KIF2A: variants seen among roughly 807,000 people sequenced by gnomAD.
KIF2A encodes kinesin-like protein KIF2A.
A neutral mutation model predicts 100.2 loss-of-function variants in KIF2A; 22 were observed. The ratio of observed to expected loss-of-function variants is 0.22; its 90% CI spans 0.16 to 0.31. The LOEUF is 0.31. Ranked by LOEUF, KIF2A falls within the 10% of genes least tolerant of loss-of-function variation. KIF2A has a pLI of 1.00. For synonymous variants in KIF2A, 268 were observed against 285.9 expected (o/e 0.94, Z 0.63); for missense variants, 495 against 898.7 (o/e 0.55, Z 5.74).
chr5:62,315,682 C>A (rs1033784973), intron 1 of KIF2A, among the ~76,000 whole-genome samples: 2 of 152,098 alleles, frequency 1.3e-5, no homozygotes, highest in Non-Finnish European at 2.9e-5. Context: ...TATTAAAGAC[C>A]TGGAAACAGA....
chr5:62,358,169 A>G lies in KIF2A; in HGVS notation c.742A>G (p.Ile248Val). ...TQMKDLDVIT[I>V]PSKDVVMVHE... is the part of the protein sequence containing the mutation. ...AATGAAAGATCTTGATGTAATCACA[A>G]TTCCTAGTAAAGATGTTGTGATGGT... is the stretch of plus-strand genomic sequence containing the variant. Residue 248 changes from isoleucine to valine, a missense_variant, in exon 9 of 21, where the codon ATT becomes GTT. This residue lies in a region of KIF2A where 109 missense variants were observed against 244.2 expected (regional missense o/e 0.45). Coordinates refer to ENST00000407818, the MANE Select transcript of KIF2A (RefSeq NM_001098511.3). 6.3e-7 allele frequency: 1 copy of G among 1,586,656 alleles called. No homozygotes were observed. The highest frequency in any genetic ancestry group is 2.3e-5 in the East Asian group (1 of 44,186).
intron 18 of KIF2A, 22 bp from the exon 19 acceptor site, chr5:62,377,639 T>C: frequency 7.5e-7 from 1 of 1,334,220 alleles, no homozygotes; most frequent in Non-Finnish European, 1.0e-6. Flanking sequence ...TATCATAATT[T>C]CTTAACTATT....
chr5:62,326,994 C>G (rs554191630), intron 1 of KIF2A, among the ~76,000 whole-genome samples: 1 of 152,330 alleles, frequency 6.6e-6, no homozygotes, highest in South Asian at 2.1e-4. Context: ...CTTGACTACT[C>G]TCTTTGAGGC....
rs1746535615 is a variant in KIF2A, at chr5:62,329,516, A to G, written c.65-17614A>G. 2.0e-5 allele frequency among the ~76,000 whole-genome samples: 3 copies of G among 152,202 alleles called. No individual in the cohort carries two copies. In the South Asian group the frequency reaches 6.2e-4, roughly 32 times the overall value. On this transcript the variant is annotated intron_variant, in intron 1 of 20. Coordinates refer to ENST00000407818, the MANE Select transcript of KIF2A (RefSeq NM_001098511.3). ...ACAAATCAAATTGCTTTCTGTCCTC[A>G]GTTACTGGTCAGTGGCACCTAGGAA...
At chr5:62,384,427 T>C (rs1741923887) in intron 20 of KIF2A, among the ~76,000 whole-genome samples, 3 of 152,330 alleles carry the variant, frequency 2.0e-5, no homozygotes, top group East Asian at 1.9e-4. Context: ...CTTGACACTG[T>C]TAACATTTGG....
At chr5:62,339,544 T>TTTTTTTTGAGACGGG (rs1554040422) in intron 1 of KIF2A, among the ~76,000 whole-genome samples, 1 of 147,698 alleles carries the variant, frequency 6.8e-6, no homozygotes, top group Non-Finnish European at 1.5e-5. Flanking sequence ...TCTCTTATTA[T>TTTTTTTTGAGACGGG]GTATCTTAGA....
At chr5:62,328,316 T>C (rs1746476006) in intron 1 of KIF2A, among the ~76,000 whole-genome samples, 2 of 66,076 alleles carry the variant, frequency 3.0e-5, no homozygotes, top group Non-Finnish European at 6.9e-5. Flanking sequence ...TCTAGTACTG[T>C]GTGGTTTTTT....
At chr5:62,341,454 C>T (rs1038137972) in intron 1 of KIF2A, among the ~76,000 whole-genome samples, 30 of 150,888 alleles carry the variant, frequency 2.0e-4, no homozygotes, top group African/African-American at 6.8e-4. Context: ...GTGGACACCA[C>T]CATGCCCTGT....
chr5:62,371,245 C>A (rs907361135), intron 16 of KIF2A, among the ~76,000 whole-genome samples: 2 of 151,942 alleles, frequency 1.3e-5, no homozygotes, highest in Admixed American at 6.6e-5. Context: ...TATGGTGAGA[C>A]CTTATCTCAA....
intron 1 of KIF2A, among the ~76,000 whole-genome samples, chr5:62,343,879 A>G (rs993707553): frequency 6.6e-6 from 1 of 152,208 alleles, no homozygotes; most frequent in Non-Finnish European, 1.5e-5. Flanking sequence ...GTTACCGTTT[A>G]TACATTTTTA....
chr5:62,334,257 T>C (rs946183008), intron 1 of KIF2A, among the ~76,000 whole-genome samples: 1 of 151,942 alleles, frequency 6.6e-6, no homozygotes, highest in Non-Finnish European at 1.5e-5. Flanking sequence ...ACCTGGGCAT[T>C]AGTGAGGGCC....
intron 19 of KIF2A, among the ~76,000 whole-genome samples, chr5:62,380,443 T>A (rs1741725214): frequency 6.6e-6 from 1 of 152,182 alleles, no homozygotes; most frequent in African/African-American, 2.4e-5. Flanking sequence ...GAAATGATGT[T>A]GCTCAGCCCA....
chr5:62,331,113 ATTT>A (rs1746616725), intron 1 of KIF2A, among the ~76,000 whole-genome samples: 1 of 152,152 alleles, frequency 6.6e-6, no homozygotes, highest in African/African-American at 2.4e-5. Context: ...AGGTTTTGAA[ATTT>A]TTATAAAGGT....
chr5:62,337,452 A>G (rs1396884691), intron 1 of KIF2A, among the ~76,000 whole-genome samples: 4 of 152,032 alleles, frequency 2.6e-5, no homozygotes, highest in Non-Finnish European at 5.9e-5. Flanking sequence ...AGATCACACC[A>G]TCGCACTCCA....
Position 62,388,001 on chromosome 5 carries a change from A to G in KIF2A, c.*2432A>G, listed in dbSNP as rs974804523. ...TTTTTATAGAAACAAAATAGCTACTATAACTCTATTATAGTATATTAACAG... is the reference window on the plus strand; with the variant it reads ...TTTTTATAGAAACAAAATAGCTACTGTAACTCTATTATAGTATATTAACAG... On this transcript the variant is annotated 3_prime_UTR_variant, in exon 21 of 21. Coordinates refer to ENST00000407818, the MANE Select transcript of KIF2A (RefSeq NM_001098511.3). 1 of 152,170 alleles carries G rather than the reference A, an allele frequency of 6.6e-6. No homozygotes were observed. Among genetic ancestry groups the G allele is most frequent in the Admixed American group, 6.5e-5 (1 of 15,282 alleles). The allele number at this position is 152,170 out of a possible 1,614,324, so 9.4% of individuals were successfully genotyped here.
chr5:62,342,978 C>G (rs879917203), intron 1 of KIF2A, among the ~76,000 whole-genome samples: 29 of 152,138 alleles, frequency 1.9e-4, no homozygotes, highest in Admixed American at 1.4e-3. Flanking sequence ...TCTTGAACCC[C>G]TGACCTCAAG....
intron 1 of KIF2A, among the ~76,000 whole-genome samples, chr5:62,344,235 T>G (rs887729359): frequency 6.6e-6 from 1 of 151,716 alleles, no homozygotes; most frequent in Non-Finnish European, 1.5e-5. Flanking sequence ...GTCTAGCTAC[T>G]CAGGAGGCTG....
rs775533413 is a variant in KIF2A at position 62,389,485 on chromosome 5, CAAAA to C, written c.*3929_*3932del. Among the ~76,000 whole-genome samples, 4 of 75,906 alleles carry C rather than the reference CAAAA, an allele frequency of 5.3e-5. No homozygotes were observed. Among genetic ancestry groups the C allele is most frequent in the Admixed American group, 3.1e-4 (2 of 6,476 alleles). The allele number at this position is 75,906 out of a possible 152,430, so 49.8% of individuals were successfully genotyped here. A position where few individuals can be genotyped will look rare whatever the true frequency, so the allele number is the denominator to read the frequency against. On this transcript the variant is annotated 3_prime_UTR_variant, in exon 21 of 21. Coordinates refer to ENST00000407818, the MANE Select transcript of KIF2A (RefSeq NM_001098511.3). ...TGGGTGACAGAGCAAGACTCTGTCT[CAAAA>C]AAAAAAAAAAAAGAAATGTTATTGT...
At chr5:62,360,840 A>G (rs1364894010) in intron 9 of KIF2A, among the ~76,000 whole-genome samples, 1 of 152,182 alleles carries the variant, frequency 6.6e-6, no homozygotes, top group South Asian at 2.1e-4. Context: ...AAGGTAATCA[A>G]CATTTTTCTA....
Sources: allele counts gnomAD v4.1 joint callset (sites outside exome capture counted in the v4.1 genomes callset), GRCh38; gene constraint gnomAD v4.1.1; regional missense constraint gnomAD v4.1.1; transcripts MANE v1.5; gene names NCBI Gene and HGNC (gene_info 2026-07-23, HGNC 2026-07-21).